Variants in PHIP observed in about 807,000 individuals in gnomAD.
The protein encoded by PHIP is PH-interacting protein.
In PHIP, 54 loss-of-function variants were observed where a neutral mutation model predicts 236.8. The ratio of observed to expected loss-of-function variants is 0.23; its 90% CI spans 0.18 to 0.29. PHIP has a LOEUF of 0.29. Among genes scored for constraint, PHIP ranks in the 10% least tolerant of loss-of-function variants. The pLI, the probability that PHIP is intolerant of heterozygous loss-of-function variation, is 1.00. For missense variants in PHIP, 1,370 were observed against 2,190.8 expected, an observed-to-expected ratio of 0.63 and a Z score of 7.48; for synonymous variants, 756 against 718.9, an observed-to-expected ratio of 1.05 and a Z score of -0.83.
chr6:78,996,434 C>T (rs1582192127), intron 19 of PHIP, among the ~76,000 whole-genome samples: 2 of 152,212 alleles, frequency 1.3e-5, no homozygotes, highest in South Asian at 4.1e-4. Flanking sequence ...ATGTCTTATT[C>T]TCCATGTTAT....
chr6:79,033,560 T>C (rs1296680871), intron 7 of PHIP, among the ~76,000 whole-genome samples: 1 of 152,202 alleles, frequency 6.6e-6, no homozygotes, highest in South Asian at 2.1e-4. Context: ...CAACTTTTCT[T>C]ATGTAGCTTC....
rs761659743 is a variant in PHIP at position 78,985,392 on chromosome 6, C to T, written c.2497G>A (p.Glu833Lys). The T allele has an allele frequency of 6.2e-6, 10 of 1,602,508 alleles. No individual in the cohort carries two copies. Among genetic ancestry groups the T allele is most frequent in the South Asian group, 1.1e-5 (1 of 90,834 alleles). The part of the protein sequence containing the change: ...EVVAVSGGTS[E>K]EEERAWHSDG... ...CTGTGCCATGCTCTCTCTTCTTCTT[C>T]GGATGTTCCACCACTGACAGCAACT... Residue 833 changes from glutamate to lysine, a missense_variant, in exon 22 of 40, where the codon GAA becomes AAA. By Grantham distance (56) the Glu-to-Lys change is moderately conservative. This residue lies in a region of PHIP where 99 missense variants were observed against 110.0 expected (regional missense o/e 0.90). Transcript: ENST00000275034.
chr6:78,963,944 T>C (rs1404449951), intron 29 of PHIP, among the ~76,000 whole-genome samples: 1 of 151,018 alleles, frequency 6.6e-6, no homozygotes, highest in East Asian at 1.9e-4. Flanking sequence ...TATGAATGTG[T>C]ATCCAAATAG....
At chr6:78,998,773 C>T (rs1448405216) in intron 17 of PHIP, among the ~76,000 whole-genome samples, 1 of 152,060 alleles carries the variant, frequency 6.6e-6, no homozygotes, top group Admixed American at 6.6e-5. Context: ...ATCATGGTTT[C>T]TTTTAAAATG....
In PHIP at chr6:79,006,863, A is replaced by G. The variant is rs2127735162; in HGVS notation, c.1525-3005T>C. Reference sequence around the variant, plus strand: ...TAAAGCTCATAGACATTAAATATCAATAAGGTTTAGCTGAGATAATCTATG... The same window carrying G: ...TAAAGCTCATAGACATTAAATATCAGTAAGGTTTAGCTGAGATAATCTATG... On this transcript the variant is annotated intron_variant, in intron 15 of 39. Transcript: ENST00000275034. Among the ~76,000 whole-genome samples, 3 of 152,212 alleles carry G rather than the reference A, an allele frequency of 2.0e-5. No individual in the cohort carries two copies. In the South Asian group the frequency reaches 6.2e-4, roughly 32 times the overall value.
At position 78,940,944 on chromosome 6, in the gene PHIP, T is replaced by C. The variant is rs756344429; in HGVS notation, c.5215A>G (p.Arg1739Gly). 1.2e-6 allele frequency: 2 copies of C among 1,614,074 alleles called. No homozygotes were observed. The highest frequency in any genetic ancestry group is 1.7e-6 in the Non-Finnish European group (2 of 1,179,958). Residue 1739 changes from arginine (R) to glycine (G), a missense_variant, in exon 40 of 40, where the codon AGG becomes GGG. Physicochemically the swap from Arg to Gly is moderately radical, Grantham distance 125 (BLOSUM62 -2). Transcript: ENST00000275034. ...LLVPASVKVLRRSNRKKIDDP... is the reference protein window; with the variant it reads ...LLVPASVKVLGRSNRKKIDDP... Reference sequence around the variant, plus strand: ...TCTATCTTTTTTCGGTTACTTCTCCTTAACACTTTGACACTTGCAGGGACT... The same window carrying C: ...TCTATCTTTTTTCGGTTACTTCTCCCTAACACTTTGACACTTGCAGGGACT...
rs1773379732 is a variant in PHIP at position 78,939,249 on chromosome 6, T to C, written c.*1444A>G. On this transcript the variant is annotated 3_prime_UTR_variant, in exon 40 of 40. Coordinates refer to ENST00000275034, the MANE Select transcript of PHIP (RefSeq NM_017934.7). The stretch of plus-strand genomic sequence containing the variant: ...TAAGTCATATAGTTATCATTTACAA[T>C]AGACAACTTAATTTTACTAATGATG... 6.6e-6 allele frequency: 1 copy of C among 151,792 alleles called. No homozygotes were observed. The highest frequency in any genetic ancestry group is 2.1e-4 in the South Asian group (1 of 4,834). The allele number at this position is 151,792 out of a possible 1,614,324, so 9.4% of individuals were successfully genotyped here.
intron 4 of PHIP, among the ~76,000 whole-genome samples, chr6:79,062,206 G>C (rs886561361): frequency 1.3e-5 from 2 of 152,142 alleles, no homozygotes; most frequent in Non-Finnish European, 1.5e-5. Flanking sequence ...TGACATTGAA[G>C]TCTCTGAAAA....
chr6:78,946,648 C>A, intron 37 of PHIP, 63 bp downstream of exon 37: 1 of 1,466,580 alleles, frequency 6.8e-7, no homozygotes, highest in Non-Finnish European at 9.0e-7. Flanking sequence ...TAAAAAACAC[C>A]AAGTTCTATC....
chr6:78,987,160 G>A (rs540826777), intron 21 of PHIP, among the ~76,000 whole-genome samples: 1 of 152,002 alleles, frequency 6.6e-6, no homozygotes, highest in South Asian at 2.1e-4. Context: ...TGTAACAGAT[G>A]TGTTTCTGGA....
intron 30 of PHIP, 48 bp from the exon 31 acceptor site, chr6:78,961,858 TA>T: frequency 6.3e-6 from 9 of 1,434,106 alleles, no homozygotes; most frequent in Non-Finnish European, 8.6e-6. Flanking sequence ...ATGCCTAAAA[TA>T]ATTCAAGAAG....
intron 24 of PHIP, among the ~76,000 whole-genome samples, chr6:78,971,884 C>T (rs142290518): frequency 0.021 from 3,237 of 151,640 alleles, 119 homozygotes; most frequent in African/African-American, 0.073. Flanking sequence ...TCCTACCCCA[C>T]GGAGTCTCGC....
chr6:79,053,258 G>A (rs566463663), intron 6 of PHIP, among the ~76,000 whole-genome samples: 2 of 152,282 alleles, frequency 1.3e-5, no homozygotes, highest in Admixed American at 1.3e-4. Flanking sequence ...AAGTTGGAGT[G>A]AGCCGACATT....
At chr6:78,948,437 G>A (rs903032298) in intron 35 of PHIP, among the ~76,000 whole-genome samples, 1 of 152,116 alleles carries the variant, frequency 6.6e-6, no homozygotes, top group East Asian at 1.9e-4. Flanking sequence ...TCATAATATG[G>A]TATATAATTC....
chr6:79,058,122 G>A (rs1221097400), intron 6 of PHIP, among the ~76,000 whole-genome samples: 1 of 151,986 alleles, frequency 6.6e-6, no homozygotes, highest in Non-Finnish European at 1.5e-5. Context: ...GGAAGAGAGA[G>A]AGAAAAAAAT....
chr6:78,955,542 G>A, intron 33 of PHIP, 71 bp downstream of exon 33: 2 of 601,686 alleles, frequency 3.3e-6, no homozygotes, highest in Non-Finnish European at 5.9e-6. Flanking sequence ...GCTTTTACCT[G>A]AAAACTACAA....
chr6:78,985,313 T>G (rs1426439626), intron 22 of PHIP, 39 bp downstream of exon 22: 1 of 1,149,962 alleles, frequency 8.7e-7, no homozygotes, highest in Admixed American at 1.8e-5. Context: ...TTCTAAAGAC[T>G]TTATATAACA....
At chr6:79,045,538 A>C (rs1772442963) in intron 6 of PHIP, among the ~76,000 whole-genome samples, 1 of 152,096 alleles carries the variant, frequency 6.6e-6, no homozygotes, top group Admixed American at 6.6e-5. Flanking sequence ...AAAAGTATAT[A>C]AGTAAATCTT....
chr6:78,958,243 T>C (rs1304330523), intron 32 of PHIP: 1 of 357,576 alleles, frequency 2.8e-6, no homozygotes, highest in Non-Finnish European at 5.0e-6. Context: ...AACACAATGG[T>C]AATACGATTT....
Sources: gnomAD v4.1 joint callset for allele counts (sites outside exome capture counted in the v4.1 genomes callset) on GRCh38, gnomAD v4.1.1 for gene constraint, gnomAD v4.1.1 regional missense constraint, MANE v1.5 for transcripts, NCBI Gene and HGNC (gene_info 2026-07-23, HGNC 2026-07-21) for gene names.